The following CHST9 variants were observed in gnomAD, a reference collection of about 807,000 sequenced individuals.
CHST9 encodes carbohydrate sulfotransferase 9.
Under a neutral mutation model 44.4 loss-of-function variants are expected in CHST9, and 41 were observed. That is an observed-to-expected ratio of 0.92 (90% CI 0.72 to 1.20). The LOEUF (loss-of-function observed/expected upper bound fraction) is 1.20, where lower values mean the gene tolerates loss of function less well. Among genes scored for constraint, CHST9 ranks in the 50% most tolerant of loss-of-function variants. The pLI is 0.00. For missense variants in CHST9, 504 were observed against 516.5 expected (o/e 0.98, Z 0.23); for synonymous variants, 171 against 178.4 (o/e 0.96, Z 0.33).
chr18:27,000,623 T>TCTATCTACCTAC (rs33955279), intron 4 of CHST9, among the ~76,000 whole-genome samples: 7 of 10,714 alleles, frequency 6.5e-4, no homozygotes, highest in African/African-American at 3.1e-3. Context: ...ATTTGTTTTG[T>TCTATCTACCTAC]CTATCTATCT....
At chr18:27,158,593 G>A (rs1176315348) in intron 1 of CHST9, among the ~76,000 whole-genome samples, 1 of 152,028 alleles carries the variant, frequency 6.6e-6, no homozygotes, top group Non-Finnish European at 1.5e-5. Context: ...ATAGCAGCAT[G>A]ATTTATAATC....
chr18:27,168,245 T>G (rs1598775320), intron 1 of CHST9, among the ~76,000 whole-genome samples: 1 of 152,212 alleles, frequency 6.6e-6, no homozygotes, highest in East Asian at 1.9e-4. Context: ...CGGCTAATTT[T>G]TTGTATTTTT....
intron 2 of CHST9, among the ~76,000 whole-genome samples, chr18:27,126,814 G>A (rs756783615): frequency 6.6e-6 from 1 of 152,110 alleles, no homozygotes; most frequent in Non-Finnish European, 1.5e-5. Flanking sequence ...ACGGGATGGG[G>A]AGGAAGGCTG....
intron 4 of CHST9, among the ~76,000 whole-genome samples, chr18:26,956,451 T>A (rs1360656009): frequency 6.8e-6 from 1 of 147,748 alleles, no homozygotes; most frequent in Non-Finnish European, 1.5e-5. Context: ...AATAATATAA[T>A]TGTGTACATA....
At chr18:26,919,048 G>A (rs903242216) in intron 5 of CHST9, among the ~76,000 whole-genome samples, 1 of 152,076 alleles carries the variant, frequency 6.6e-6, no homozygotes, top group Non-Finnish European at 1.5e-5. Context: ...GTGTGCAGGG[G>A]AACTGCCCTT....
At position 27,024,164 on chromosome 18, in the gene CHST9, A is replaced by C. The variant is rs778612153; in HGVS notation, c.161-7T>G. 46 of 1,608,506 alleles carry C rather than the reference A, an allele frequency of 2.9e-5. No homozygotes were observed. In the South Asian group the frequency reaches 5.0e-4, roughly 17 times the overall value. Reference sequence around the variant, plus strand: ...TACTTCACTGGTCCCCATCCTGAAAAAGAAGAGGAAAGAAATTCATATATT... The same window carrying C: ...TACTTCACTGGTCCCCATCCTGAAACAGAAGAGGAAAGAAATTCATATATT... On this transcript the variant is annotated splice_region_variant and splice_polypyrimidine_tract_variant and intron_variant, in intron 3 of 5. Coordinates refer to ENST00000618847, the MANE Select transcript of CHST9 (RefSeq NM_031422.6).
At chr18:26,974,825 C>T (rs922963549) in intron 4 of CHST9, among the ~76,000 whole-genome samples, 9 of 152,130 alleles carry the variant, frequency 5.9e-5, no homozygotes, top group African/African-American at 2.2e-4. Flanking sequence ...AGGCGTGTGC[C>T]ACCACGCCCG....
intron 2 of CHST9, among the ~76,000 whole-genome samples, chr18:27,123,999 T>C (rs9950774): frequency 0.011 from 1,608 of 152,278 alleles, 24 homozygotes; most frequent in African/African-American, 0.034. Flanking sequence ...TTATATGAGC[T>C]GTACAAAGGA....
At chr18:27,151,716 A>C (rs1037873433) in intron 1 of CHST9, among the ~76,000 whole-genome samples, 2 of 152,176 alleles carry the variant, frequency 1.3e-5, no homozygotes, top group Non-Finnish European at 2.9e-5. Flanking sequence ...AAAGAAAGGG[A>C]ACCATGAGCT....
intron 2 of CHST9, among the ~76,000 whole-genome samples, chr18:27,125,366 A>G (rs1714043499): frequency 6.6e-6 from 1 of 152,174 alleles, no homozygotes; most frequent in Admixed American, 6.5e-5. Flanking sequence ...CTTTGCCCAT[A>G]TGGTACGTAA....
intron 5 of CHST9, among the ~76,000 whole-genome samples, chr18:26,931,065 T>C (rs1261310413): frequency 6.6e-6 from 1 of 152,160 alleles, no homozygotes; most frequent in South Asian, 2.1e-4. Flanking sequence ...GGAAGGGGAT[T>C]GTTGATGCAT....
At chr18:26,971,948 T>C (rs1384071206) in intron 4 of CHST9, among the ~76,000 whole-genome samples, 2 of 152,050 alleles carry the variant, frequency 1.3e-5, no homozygotes, top group African/African-American at 4.8e-5. Flanking sequence ...GGTAAGTAAA[T>C]GGTAGAACAT....
At chr18:27,100,894 C>T (rs1017957556) in intron 2 of CHST9, among the ~76,000 whole-genome samples, 2 of 152,196 alleles carry the variant, frequency 1.3e-5, no homozygotes, top group Non-Finnish European at 2.9e-5. Flanking sequence ...ACAGTTCATC[C>T]TAATTGATTT....
chr18:27,127,953 C>T (rs375226244), intron 2 of CHST9, among the ~76,000 whole-genome samples: 2 of 152,118 alleles, frequency 1.3e-5, no homozygotes, highest in East Asian at 3.9e-4. Flanking sequence ...TCTGCAGTGA[C>T]ATGGGGAGGA....
rs553032340 is a variant in CHST9, at chr18:27,019,029, C to A, written c.202+5087G>T. On this transcript the variant is annotated intron_variant, in intron 4 of 5. Transcript: ENST00000618847. ...TGTGTGCCCCAGAAAATACCCTGAGCCACGCCCTGTGCTGGGCTGGAGTCT... is the reference window on the plus strand; with the variant it reads ...TGTGTGCCCCAGAAAATACCCTGAGACACGCCCTGTGCTGGGCTGGAGTCT... 5.3e-5 allele frequency among the ~76,000 whole-genome samples: 8 copies of A among 152,328 alleles called. No individual in the cohort carries two copies. The East Asian group carries it at 9.6e-4, about 18-fold the overall frequency.
At chr18:27,033,573 A>T (rs189493871) in intron 3 of CHST9, among the ~76,000 whole-genome samples, 32 of 151,818 alleles carry the variant, frequency 2.1e-4, no homozygotes, top group Admixed American at 9.8e-4. Context: ...TCTTTTTCTC[A>T]TTTTCAAGAT....
chr18:26,949,805 TA>T (rs1173852196), intron 4 of CHST9, among the ~76,000 whole-genome samples: 1 of 152,112 alleles, frequency 6.6e-6, no homozygotes. Flanking sequence ...AGAGTCCTTA[TA>T]ATAAAGGGGC....
At chr18:26,993,029 T>G (rs556599034) in intron 4 of CHST9, among the ~76,000 whole-genome samples, 1 of 152,294 alleles carries the variant, frequency 6.6e-6, no homozygotes, top group South Asian at 2.1e-4. Flanking sequence ...TTCAAACTAC[T>G]CATTAAGAAC....
intron 1 of CHST9, among the ~76,000 whole-genome samples, chr18:27,148,470 A>G (rs1199824687): frequency 8.0e-6 from 1 of 125,000 alleles, no homozygotes; most frequent in African/African-American, 3.1e-5. Context: ...ATGTATTCTC[A>G]TTGTTCAATT....
Sources: gnomAD v4.1 joint callset for allele counts (sites outside exome capture counted in the v4.1 genomes callset) on GRCh38, gnomAD v4.1.1 for gene constraint, MANE v1.5 for transcripts, NCBI Gene and HGNC (gene_info 2026-07-23, HGNC 2026-07-21) for gene names.